The following TUT4 variants were observed in gnomAD, a reference collection of about 807,000 sequenced individuals.
TUT4 encodes terminal uridylyl transferase 4, also known as terminal uridylyltransferase 4.
In TUT4, 36 loss-of-function variants were observed where a neutral mutation model predicts 192.2. That is an observed-to-expected ratio of 0.19 (90% CI 0.14 to 0.25). The LOEUF is 0.25. Among genes scored for constraint, TUT4 ranks in the 10% least tolerant of loss-of-function variants. The probability of loss-of-function intolerance (pLI) is 1.00; values close to 1 mark genes in which losing one functional copy is unlikely to be tolerated. For synonymous variants in TUT4, 618 were observed against 666.0 expected (o/e 0.93, Z 1.11); for missense variants, 1,493 against 1,957.2 (o/e 0.76, Z 4.47).
rs192561444 is a variant in TUT4, at chr1:52,469,746, C to T, written c.2879-1479G>A. Among the ~76,000 whole-genome samples the T allele has an allele frequency of 2.4e-3, 360 of 151,940 alleles. 3 individuals carry two copies. The highest frequency in any genetic ancestry group is 7.5e-3 in the Admixed American group (114 of 15,258). On this transcript the variant is annotated intron_variant, in intron 14 of 29. Coordinates refer to ENST00000257177, the MANE Select transcript of TUT4 (RefSeq NM_001009881.3). ...TCTACTAAAAATACAAAAAATTAGC[C>T]GGGCGTGATGGCACGAGCCTGTAGT...
At chr1:52,485,958 T>C (rs1257833545) in intron 9 of TUT4, among the ~76,000 whole-genome samples, 3 of 152,098 alleles carry the variant, frequency 2.0e-5, no homozygotes, top group Admixed American at 6.5e-5. Flanking sequence ...TACCGTAGCA[T>C]AATATCTTGG....
At chr1:52,519,279 C>T (rs1356134440) in intron 2 of TUT4, among the ~76,000 whole-genome samples, 1 of 151,980 alleles carries the variant, frequency 6.6e-6, no homozygotes, top group East Asian at 1.9e-4. Context: ...GCACAACAGG[C>T]CACATATTGT....
intron 2 of TUT4, among the ~76,000 whole-genome samples, chr1:52,523,967 G>A (rs532905214): frequency 4.5e-4 from 69 of 152,070 alleles, no homozygotes; most frequent in Non-Finnish European, 7.9e-4. Context: ...TATTTTTCCA[G>A]CCATGAAAAC....
chr1:52,431,935 T>C (rs897219099), intron 27 of TUT4: 14 of 154,824 alleles, frequency 9.0e-5, no homozygotes, highest in African/African-American at 3.1e-4. Context: ...TGATAAAGAA[T>C]GTACAGTGTA....
chr1:52,472,027 T>C lies in TUT4; in HGVS notation c.2803A>G (p.Ile935Val). 1.2e-6 allele frequency: 2 copies of C among 1,613,926 alleles called. No individual in the cohort carries two copies. The highest frequency in any genetic ancestry group is 1.7e-6 in the Non-Finnish European group (2 of 1,179,924). The part of the protein sequence containing the change: ...KNDCPEDFRK[I>V]DLKPLPPMTN... ...ATTGGTGGTAGAGGTTTTAAATCAA[T>C]TTTCCTAAAATCCTCTGGGCAATCA... is the stretch of plus-strand genomic sequence containing the variant. The change falls in exon 14 of 30, where the codon ATT becomes GTT. Residue 935 changes from isoleucine (I) to valine (V), a missense_variant. Coordinates refer to ENST00000257177, the MANE Select transcript of TUT4 (RefSeq NM_001009881.3).
intron 24 of TUT4, among the ~76,000 whole-genome samples, chr1:52,444,973 A>G (rs973041164): frequency 2.7e-5 from 4 of 149,728 alleles, no homozygotes; most frequent in African/African-American, 9.9e-5. Flanking sequence ...ATATACATGT[A>G]TATGTGTGTA....
intron 16 of TUT4, chr1:52,462,646 G>T: frequency 2.3e-6 from 2 of 880,790 alleles, no homozygotes; most frequent in African/African-American, 1.8e-5. Flanking sequence ...GCACTCAGCA[G>T]AATGCCTGGC....
At chr1:52,542,855 A>G (rs914132706) in intron 1 of TUT4, among the ~76,000 whole-genome samples, 3 of 151,558 alleles carry the variant, frequency 2.0e-5, no homozygotes, top group African/African-American at 7.3e-5. Context: ...TCCGCCTCCC[A>G]GGTTCAAGCG....
At chr1:52,454,003 T>C (rs77981472) in intron 20 of TUT4, among the ~76,000 whole-genome samples, 1,551 of 152,222 alleles carry the variant, frequency 0.01, 22 homozygotes, top group African/African-American at 0.036. Context: ...ATGAAATACA[T>C]AGGTGTAAGT....
At chr1:52,541,758 G>T (rs975941197) in intron 1 of TUT4, among the ~76,000 whole-genome samples, 6 of 152,284 alleles carry the variant, frequency 3.9e-5, no homozygotes, top group Middle Eastern at 3.4e-3. Flanking sequence ...TAAAACTTTT[G>T]TATTTCAATG....
At chr1:52,428,059 G>A (rs1236790528) in intron 28 of TUT4, among the ~76,000 whole-genome samples, 2 of 152,090 alleles carry the variant, frequency 1.3e-5, no homozygotes, top group Admixed American at 6.5e-5. Flanking sequence ...AAATTCTACA[G>A]TGCCTTATAG....
chr1:52,490,691 G>T, intron 8 of TUT4, 41 bp downstream of exon 8: 2 of 1,547,544 alleles, frequency 1.3e-6, no homozygotes, highest in Non-Finnish European at 1.8e-6. Flanking sequence ...TTGGTTGTTG[G>T]GGTTTGTTTT....
chr1:52,471,875 G>A (rs1281364304), intron 14 of TUT4, 77 bp downstream of exon 14: 1 of 1,454,660 alleles, frequency 6.9e-7, no homozygotes, highest in African/African-American at 1.5e-5. Flanking sequence ...TAAACAAACT[G>A]TTTTTAAATC....
In TUT4 at chr1:52,464,971, G is replaced by C; in HGVS notation, c.3069+99C>G. On this transcript the variant is annotated intron_variant, in intron 16 of 29. Coordinates refer to ENST00000257177, the MANE Select transcript of TUT4 (RefSeq NM_001009881.3). ...TATTTTGCTAATATATTTATACAAA[G>C]AGTGATACCACATTTTTATCAATAT... 5 of 885,930 alleles carry C rather than the reference G, an allele frequency of 5.6e-6. No individual in the cohort carries two copies. In the South Asian group the frequency reaches 8.0e-5, roughly 14 times the overall value. 54.9% of individuals were successfully genotyped at this position (885,930 alleles called of 1,614,324 possible). A position where few individuals can be genotyped will look rare whatever the true frequency, so the allele number is the denominator to read the frequency against.
Position 52,481,834 on chromosome 1 carries a change from G to T in TUT4, c.1605C>A (p.Pro535=), listed in dbSNP as rs748402838. The T allele has an allele frequency of 1.9e-6, 3 of 1,596,084 alleles. No homozygotes were observed. In the South Asian group the frequency reaches 3.5e-5, roughly 18 times the overall value. Residue 535 remains proline, a synonymous_variant, in exon 10 of 30, where the codon CCC becomes CCA. Transcript: ENST00000257177. The part of the protein sequence containing the change: ...MVMFFLQQRK[P]PLLPCLLGSW... ...TTCCAAGTAAGCAAGGAAGAAGAGG[G>T]GGTTTTCTCTGTTGTAGAAAAAACA...
rs971748139 is a variant in TUT4, at chr1:52,539,662, G to A, written c.-94+13269C>T. Among the ~76,000 whole-genome samples, 9 of 151,990 alleles carry A rather than the reference G, an allele frequency of 5.9e-5. 1 individual carries two copies. In the South Asian group the frequency reaches 6.2e-4, roughly 11 times the overall value. ...TCACAGCACTTTGGGAGGCCGAGGC[G>A]GCCTGAAATGCTCATGACCTCAGAG... On this transcript the variant is annotated intron_variant, in intron 1 of 29. Transcript: ENST00000257177.
chr1:52,493,564 A>G (rs1671714522), intron 7 of TUT4, 47 bp downstream of exon 7: 2 of 1,309,024 alleles, frequency 1.5e-6, no homozygotes, highest in Admixed American at 5.1e-5. Flanking sequence ...TACCTTTAGA[A>G]AGACAAATTA....
At position 52,552,935 on chromosome 1, in the gene TUT4, G is replaced by C. The variant is rs979115755; in HGVS notation, c.-98C>G. The C allele has an allele frequency of 6.5e-6, 1 of 153,198 alleles. No individual in the cohort carries two copies. Among genetic ancestry groups the C allele is most frequent in the Non-Finnish European group, 1.5e-5 (1 of 68,098 alleles). The allele number at this position is 153,198 out of a possible 1,614,324, so 9.5% of individuals were successfully genotyped here. ...CCCGCGGCCGGAACCTCGTACCTGCGAGGCCCGCGAGCTACAGGCGCGCGC... is the reference window on the plus strand; with the variant it reads ...CCCGCGGCCGGAACCTCGTACCTGCCAGGCCCGCGAGCTACAGGCGCGCGC... On this transcript the variant is annotated 5_prime_UTR_variant, in exon 1 of 30. Transcript: ENST00000257177.
At chr1:52,460,764 T>C (rs1417307982) in intron 19 of TUT4, among the ~76,000 whole-genome samples, 4 of 152,226 alleles carry the variant, frequency 2.6e-5, no homozygotes, top group Non-Finnish European at 5.9e-5. Context: ...AAGGTATTAT[T>C]GGTATTGTTT....
Sources: gnomAD v4.1 joint callset for allele counts (sites outside exome capture counted in the v4.1 genomes callset) on GRCh38, gnomAD v4.1.1 for gene constraint, MANE v1.5 for transcripts, NCBI Gene and HGNC (gene_info 2026-07-23, HGNC 2026-07-21) for gene names.